The following SSC5D variants were observed in gnomAD, a reference collection of about 807,000 sequenced individuals.
The protein encoded by SSC5D is soluble scavenger receptor cysteine-rich domain-containing protein SSC5D.
In SSC5D, 106 loss-of-function variants were observed where a neutral mutation model predicts 104.6. The observed-to-expected ratio is 1.01, with a 90% CI of 0.87 to 1.19. The LOEUF (loss-of-function observed/expected upper bound fraction) is 1.19, where lower values mean the gene tolerates loss of function less well. Among genes scored for constraint, SSC5D ranks in the 50% most tolerant of loss-of-function variants. SSC5D has a pLI of 0.00. For synonymous variants in SSC5D, 860 were observed against 883.5 expected, an observed-to-expected ratio of 0.97 and a Z score of 0.47; for missense variants, 1,993 against 2,153.8, an observed-to-expected ratio of 0.93 and a Z score of 1.48.
Position 55,494,684 on chromosome 19 carries a change from AG to A in SSC5D, c.1290del (p.Arg430SerfsTer6). On this transcript the variant is annotated frameshift_variant, in exon 8 of 14. Coordinates refer to ENST00000389623, the MANE Select transcript of SSC5D (RefSeq NM_001144950.2). LOFTEE classifies it high-confidence loss of function. ...NNSTPREAASRPPSTMTSQAP... is the reference protein window; with the variant it reads ...NNSTPREAASXPPSTMTSQAP... ...CTCCACGCCCAGGGAGGCTGCCTCC[AG>A]GCCCCCGTCCACCATGACGAGCCAG... 4.5e-6 allele frequency: 7 copies of A among 1,549,810 alleles called. No homozygotes were observed. The highest frequency in any genetic ancestry group is 6.1e-6 in the Non-Finnish European group (7 of 1,146,306).
At position 55,518,931 on chromosome 19, in the gene SSC5D, C is replaced by T; in HGVS notation, c.4655C>T (p.Thr1552Ile). 3.2e-6 allele frequency: 5 copies of T among 1,550,368 alleles called. No homozygotes were observed. Among genetic ancestry groups the T allele is most frequent in the Non-Finnish European group, 4.4e-6 (5 of 1,146,972 alleles). The stretch of plus-strand genomic sequence containing the variant: ...AGACTGGCAGAGATGGCCTGGACCA[C>T]CAGCATGCCTGCACCAACCACCACT... ...VKRLAEMAWT[T>I]SMPAPTTTTP... Residue 1552 changes from threonine (T) to isoleucine (I), a missense_variant, in exon 14 of 14, where the codon ACC (threonine) becomes ATC (isoleucine). By Grantham distance (89) the Thr-to-Ile change is moderately conservative. Transcript: ENST00000389623.
chr19:55,517,412 G>T lies in SSC5D; in HGVS notation c.3136G>T (p.Asp1046Tyr). ...GTCCGAGGCGACCTCTGACGCTCCG[G>T]ACACTTCACCACCCACCCCAGACCC... ...LTSEATSDAPDTSPPTPDPAS... is the reference protein window; with the variant it reads ...LTSEATSDAPYTSPPTPDPAS... The change falls in exon 14 of 14, where the codon GAC (aspartate) becomes TAC (tyrosine). Residue 1046 changes from aspartate to tyrosine, a missense_variant. Asp to Tyr is a radical substitution (Grantham distance 160). Around this residue, in one of 6 missense-constraint regions of SSC5D, gnomAD observed 423 missense variants for 409.2 expected, o/e 1.03. Coordinates refer to ENST00000389623, the MANE Select transcript of SSC5D (RefSeq NM_001144950.2). 6.4e-7 allele frequency: 1 copy of T among 1,550,942 alleles called. No individual in the cohort carries two copies. Among genetic ancestry groups the T allele is most frequent in the Non-Finnish European group, 8.7e-7 (1 of 1,146,952 alleles).
chr19:55,489,057 T>G (rs1987045737), intron 2 of SSC5D, 25 bp downstream of exon 2: 50 of 1,248,000 alleles, frequency 4.0e-5, no homozygotes, highest in East Asian at 1.1e-4. Context: ...TCCTCCCATC[T>G]GCCCGCCCCC....
chr19:55,511,228 G>A (rs1453306531), intron 12 of SSC5D, among the ~76,000 whole-genome samples: 1 of 152,174 alleles, frequency 6.6e-6, no homozygotes, highest in Non-Finnish European at 1.5e-5. Flanking sequence ...TGTCTGCTGT[G>A]CCTGGCATCA....
At position 55,494,784 on chromosome 19, in the gene SSC5D, G is replaced by T. The variant is rs759230747; in HGVS notation, c.1387+1G>T. The T allele has an allele frequency of 1.3e-6, 2 of 1,540,576 alleles. No individual in the cohort carries two copies. The highest frequency in any genetic ancestry group is 1.8e-6 in the Non-Finnish European group (2 of 1,140,468). ...CTTTGGGAGCCTGGACCGGAAGCCG[G>T]TGAGTCCCTCCATGCTCCCCAAGAA... On this transcript the variant is annotated splice_donor_variant, in intron 8 of 13. Coordinates refer to ENST00000389623, the MANE Select transcript of SSC5D (RefSeq NM_001144950.2). LOFTEE classifies it high-confidence loss of function.
At chr19:55,495,767 G>A (rs1200227819) in intron 8 of SSC5D, among the ~76,000 whole-genome samples, 1 of 151,886 alleles carries the variant, frequency 6.6e-6, no homozygotes, top group Non-Finnish European at 1.5e-5. Flanking sequence ...TTTAGAGACA[G>A]GGTCTCACTT....
In SSC5D at chr19:55,490,909, G is replaced by A. The variant is rs1342844240; in HGVS notation, c.724G>A (p.Gly242Arg). The part of the protein sequence containing the change: ...AAVACRELGC[G>R]GALAAPGGAR... Reference sequence around the variant, plus strand: ...TGTAGCCTGCCGGGAACTGGGCTGTGGGGGGGCGCTGGCTGCCCCCGGCGG... The same window carrying A: ...TGTAGCCTGCCGGGAACTGGGCTGTAGGGGGGCGCTGGCTGCCCCCGGCGG... The change falls in exon 6 of 14, where the codon GGG becomes AGG. Residue 242 changes from glycine (G) to arginine (R), a missense_variant. Physicochemically the swap from Gly to Arg is moderately radical, Grantham distance 125. Transcript: ENST00000389623. 7 of 1,544,082 alleles carry A rather than the reference G, an allele frequency of 4.5e-6. No homozygotes were observed. The highest frequency in any genetic ancestry group is 4.1e-5 in the African/African-American group (3 of 72,818).
intron 12 of SSC5D, among the ~76,000 whole-genome samples, chr19:55,512,030 C>A (rs552842897): frequency 2.0e-4 from 30 of 151,838 alleles, no homozygotes; most frequent in Admixed American, 1.2e-3. Flanking sequence ...TGATACGTGA[C>A]CTGTATCTCA....
At position 55,494,488 on chromosome 19, in the gene SSC5D, G is replaced by A. The variant is rs1987253745; in HGVS notation, c.1214-122G>A. The A allele has an allele frequency of 6.1e-6, 7 of 1,145,134 alleles. 1 individual carries two copies. Among genetic ancestry groups the A allele is most frequent in the Middle Eastern group, 6.1e-4 (2 of 3,300 alleles). 70.9% of individuals were successfully genotyped at this position (1,145,134 alleles called of 1,614,324 possible). ...TGGGCTGTGTCTAGGGAGGAGGTTC[G>A]GCAGGAAGAGATCTCTGCGTGCAGC... On this transcript the variant is annotated intron_variant, in intron 7 of 13. Coordinates refer to ENST00000389623, the MANE Select transcript of SSC5D (RefSeq NM_001144950.2).
chr19:55,493,993 G>GGGGGGGGGGGGGGGT, intron 7 of SSC5D, 81 bp downstream of exon 7: 3 of 247,914 alleles, frequency 1.2e-5, no homozygotes, highest in South Asian at 3.1e-5. Flanking sequence ...GGGGCGGGGG[G>GGGGGGGGGGGGGGGT]GTCCCTACGC....
At chr19:55,505,175 G>T (rs1987612748) in intron 12 of SSC5D, among the ~76,000 whole-genome samples, 1 of 151,756 alleles carries the variant, frequency 6.6e-6, no homozygotes, top group Non-Finnish European at 1.5e-5. Context: ...TAAAACCGCA[G>T]AATATTGTTT....
chr19:55,506,828 G>A (rs10417421), intron 12 of SSC5D, among the ~76,000 whole-genome samples: 18,616 of 152,040 alleles, frequency 0.12, 1,277 homozygotes, highest in African/African-American at 0.17. Flanking sequence ...GGTAGTGTTA[G>A]GGAGCAAAGC....
chr19:55,489,304 G>C, intron 2 of SSC5D, 50 bp from the exon 3 acceptor site: 1 of 1,417,508 alleles, frequency 7.1e-7, no homozygotes. Context: ...CCTGGCCTTG[G>C]GGCCCCCAGG....
intron 12 of SSC5D, chr19:55,504,078 G>T: frequency 6.6e-7 from 1 of 1,526,080 alleles, no homozygotes. Context: ...GGGTGGGTGG[G>T]CTCCAGCTGT....
rs1987468603 is a variant in SSC5D, at chr19:55,500,676, G to C, written c.2489G>C (p.Gly830Ala). The change falls in exon 11 of 14, where the codon GGG becomes GCG. Residue 830 changes from glycine to alanine, a missense_variant. Physicochemically the swap from Gly to Ala is moderately conservative, Grantham distance 60. Around this residue, in one of 6 missense-constraint regions of SSC5D, gnomAD observed 70 missense variants for 107.1 expected, o/e 0.65. Transcript: ENST00000389623. This position sits in a 1 kb window ranked among gnomAD's most constrained non-coding sequence, Gnocchi z 4.6. Reference sequence around the variant, plus strand: ...GTAGGCAAAACCCATTACGGCCCTGGGACTGGGCCCATCTGGCTGGATGAC... The same window carrying C: ...GTAGGCAAAACCCATTACGGCCCTGCGACTGGGCCCATCTGGCTGGATGAC... Reference protein sequence around the residue: ...PRVGKTHYGPGTGPIWLDDMG... With the variant: ...PRVGKTHYGPATGPIWLDDMG... The C allele has an allele frequency of 6.4e-7, 1 of 1,551,612 alleles. No individual in the cohort carries two copies.
At chr19:55,498,514 T>C (rs4801702) in intron 9 of SSC5D, among the ~76,000 whole-genome samples, 62,997 of 152,026 alleles carry the variant, frequency 0.41, 13,430 homozygotes, top group South Asian at 0.56. Flanking sequence ...TCAAGGAAAT[T>C]TCCCACTAAG....
Position 55,502,908 on chromosome 19 carries a change from C to T in SSC5D, c.2785+1707C>T, listed in dbSNP as rs10469311. Among the ~76,000 whole-genome samples, 274 of 152,256 alleles carry T rather than the reference C, an allele frequency of 1.8e-3. 2 individuals carry two copies. The highest frequency in any genetic ancestry group is 6.3e-3 in the African/African-American group (261 of 41,530). ...TCGGCTCACTGCAACCTCCACCTCC[C>T]GGGTTCAAGTGATTCTCCTGCCTCA... On this transcript the variant is annotated intron_variant, in intron 12 of 13. Transcript: ENST00000389623.
intron 8 of SSC5D, among the ~76,000 whole-genome samples, chr19:55,495,769 G>A (rs1318535392): frequency 6.6e-6 from 1 of 151,764 alleles, no homozygotes; most frequent in East Asian, 2.0e-4. Flanking sequence ...TAGAGACAGG[G>A]TCTCACTTGG....
intron 12 of SSC5D, 81 bp downstream of exon 12, chr19:55,501,282 T>C: frequency 2.1e-6 from 3 of 1,438,132 alleles, no homozygotes; most frequent in Non-Finnish European, 2.8e-6. Flanking sequence ...AGAAAGACCC[T>C]TCTCAATGAG....
Sources: gnomAD v4.1 joint callset for allele counts (sites outside exome capture counted in the v4.1 genomes callset) on GRCh38, gnomAD v4.1.1 for gene constraint, gnomAD v4.1.1 regional missense constraint, Gnocchi (gnomAD v3.1) non-coding constraint, MANE v1.5 for transcripts, NCBI Gene and HGNC (gene_info 2026-07-23, HGNC 2026-07-21) for gene names.